The following THEMIS variants were observed in gnomAD, a reference collection of about 807,000 sequenced individuals.
THEMIS encodes thymocyte selection associated.
Under a neutral mutation model 52.6 loss-of-function variants are expected in THEMIS, and 37 were observed. The ratio of observed to expected loss-of-function variants is 0.70; its 90% CI spans 0.54 to 0.93. The LOEUF (loss-of-function observed/expected upper bound fraction) is 0.93, where lower values mean the gene tolerates loss of function less well. Among genes scored for constraint, THEMIS ranks in the 40% least tolerant of loss-of-function variants. The probability of loss-of-function intolerance (pLI) is 0.00; values close to 1 mark genes in which losing one functional copy is unlikely to be tolerated. For missense variants in THEMIS, 808 were observed against 763.1 expected (o/e 1.06, Z -0.69); for synonymous variants, 292 against 272.7 (o/e 1.07, Z -0.70).
At chr6:127,909,731 C>T (rs1781364025) in intron 1 of THEMIS, 1 of 152,068 alleles carries the variant, frequency 6.6e-6, no homozygotes, top group African/African-American at 2.4e-5. Flanking sequence ...AAAACAAACA[C>T]ATAAACATAA....
chr6:127,857,533 C>G (rs367788676), intron 1 of THEMIS, among the ~76,000 whole-genome samples: 132 of 152,112 alleles, frequency 8.7e-4, no homozygotes, highest in African/African-American at 2.8e-3. Context: ...GATTCATTAT[C>G]AATAAATAAA....
intron 4 of THEMIS, among the ~76,000 whole-genome samples, chr6:127,733,374 TG>T (rs1186126617): frequency 1.6e-4 from 25 of 152,232 alleles, no homozygotes; most frequent in African/African-American, 6.0e-4. Context: ...AAAAATTGCT[TG>T]TCCATCTTGT....
At chr6:127,713,996 C>T (rs1034288235) in intron 5 of THEMIS, among the ~76,000 whole-genome samples, 2 of 151,726 alleles carry the variant, frequency 1.3e-5, no homozygotes, top group African/African-American at 4.8e-5. Context: ...CAGCAGATAG[C>T]TTAGACTTGG....
chr6:127,769,706 T>G (rs1406189557), intron 4 of THEMIS, among the ~76,000 whole-genome samples: 1 of 152,198 alleles, frequency 6.6e-6, no homozygotes, highest in East Asian at 1.9e-4. Flanking sequence ...TGTATACATG[T>G]GCCATGTTGG....
intron 5 of THEMIS, among the ~76,000 whole-genome samples, chr6:127,716,369 A>G (rs1433957453): frequency 6.6e-6 from 1 of 151,864 alleles, no homozygotes; most frequent in Non-Finnish European, 1.5e-5. Context: ...AGAACTAAAT[A>G]ATCATCCTCT....
At chr6:127,830,647 C>G (rs1433978172) in intron 2 of THEMIS, among the ~76,000 whole-genome samples, 1 of 151,854 alleles carries the variant, frequency 6.6e-6, no homozygotes, top group Non-Finnish European at 1.5e-5. Flanking sequence ...GATCACTCCA[C>G]TGCACTCCAG....
chr6:127,800,290 T>C (rs770057704), intron 4 of THEMIS, among the ~76,000 whole-genome samples: 4 of 152,056 alleles, frequency 2.6e-5, no homozygotes, highest in Non-Finnish European at 5.9e-5. Context: ...TTGTTCCTTA[T>C]ATTTTGGACT....
At chr6:127,896,954 A>G (rs1352283536) in intron 1 of THEMIS, among the ~76,000 whole-genome samples, 1 of 151,532 alleles carries the variant, frequency 6.6e-6, no homozygotes, top group African/African-American at 2.4e-5. Context: ...GGAAAAATTG[A>G]TGTAAGGATA....
chr6:127,756,784 T>G (rs1049947792), intron 4 of THEMIS, among the ~76,000 whole-genome samples: 3 of 152,244 alleles, frequency 2.0e-5, no homozygotes, highest in Admixed American at 1.3e-4. Context: ...CAGCCAATTA[T>G]TTATATCCTA....
rs1289619980 is a variant in THEMIS at position 127,813,165 on chromosome 6, T to A, written c.1476A>T (p.Ile492=). Residue 492 remains isoleucine (I), a synonymous_variant, in exon 4 of 6, where the codon ATA becomes ATT. Transcript: ENST00000368248. The stretch of plus-strand genomic sequence containing the variant: ...ACTCCGTGGGGTTGGCAAAGTCACT[T>A]ATGAGTAGGTAAGAGTCTGTAATGT... The part of the protein sequence containing the change: ...EEDITDSYLL[I]SDFANPTECW... 1.9e-6 allele frequency: 3 copies of A among 1,614,088 alleles called. No homozygotes were observed. In the East Asian group the frequency reaches 6.7e-5, roughly 36 times the overall value.
intron 1 of THEMIS, among the ~76,000 whole-genome samples, chr6:127,889,645 A>G (rs1237515204): frequency 6.6e-6 from 1 of 152,128 alleles, no homozygotes; most frequent in Non-Finnish European, 1.5e-5. Flanking sequence ...GAGTTATATT[A>G]GTTAATTTCA....
intron 4 of THEMIS, among the ~76,000 whole-genome samples, chr6:127,764,366 T>G (rs1776123006): frequency 6.6e-6 from 1 of 151,968 alleles, no homozygotes; most frequent in Non-Finnish European, 1.5e-5. Flanking sequence ...AATTTTGGTA[T>G]AGAATTAATA....
intron 4 of THEMIS, among the ~76,000 whole-genome samples, chr6:127,776,118 C>T (rs1190091314): frequency 6.6e-6 from 1 of 152,182 alleles, no homozygotes; most frequent in Non-Finnish European, 1.5e-5. Flanking sequence ...TATTTCCAAT[C>T]AATTCATTCA....
intron 1 of THEMIS, among the ~76,000 whole-genome samples, chr6:127,858,089 G>A (rs1019642122): frequency 6.6e-6 from 1 of 152,008 alleles, no homozygotes; most frequent in Admixed American, 6.6e-5. Flanking sequence ...GAGTTGGAAT[G>A]TCATCTTTCT....
At chr6:127,882,552 G>A (rs934544045) in intron 1 of THEMIS, among the ~76,000 whole-genome samples, 2 of 151,834 alleles carry the variant, frequency 1.3e-5, no homozygotes, top group African/African-American at 2.4e-5. Flanking sequence ...CTTTAGAAAC[G>A]TAATGTTTGT....
At chr6:127,716,193 A>G (rs1774152838) in intron 5 of THEMIS, among the ~76,000 whole-genome samples, 1 of 151,920 alleles carries the variant, frequency 6.6e-6, no homozygotes, top group Non-Finnish European at 1.5e-5. Context: ...TATGTAGGAC[A>G]AAAACAAATA....
At chr6:127,875,183 C>T (rs1780277541) in intron 1 of THEMIS, among the ~76,000 whole-genome samples, 1 of 152,232 alleles carries the variant, frequency 6.6e-6, no homozygotes, top group Non-Finnish European at 1.5e-5. Flanking sequence ...TTGGGAACCA[C>T]TGGAGTAAAA....
At chr6:127,830,963 C>T (rs1778681842) in intron 2 of THEMIS, among the ~76,000 whole-genome samples, 1 of 152,078 alleles carries the variant, frequency 6.6e-6, no homozygotes, top group African/African-American at 2.4e-5. Flanking sequence ...GATTATAAAA[C>T]CCTTGTGGAA....
intron 4 of THEMIS, among the ~76,000 whole-genome samples, chr6:127,745,323 C>A (rs1399407908): frequency 2.6e-5 from 4 of 151,734 alleles, no homozygotes; most frequent in Non-Finnish European, 5.9e-5. Flanking sequence ...TTAGAAACAA[C>A]CATTAAATTG....
Sources: gnomAD v4.1 joint callset for allele counts (sites outside exome capture counted in the v4.1 genomes callset) on GRCh38, gnomAD v4.1.1 for gene constraint, MANE v1.5 for transcripts, NCBI Gene and HGNC (gene_info 2026-07-23, HGNC 2026-07-21) for gene names.